The following VWA8 variants were observed in gnomAD, a reference collection of about 807,000 sequenced individuals.
VWA8 encodes the protein von Willebrand factor A domain-containing protein 8.
VWA8 carries 221 observed loss-of-function variants against 241.5 expected under a neutral mutation model. The observed-to-expected ratio is 0.91, with a 90% CI of 0.82 to 1.02. VWA8 has a LOEUF of 1.02. Among genes scored for constraint, VWA8 ranks in the 50% least tolerant of loss-of-function variants. The pLI, the probability that VWA8 is intolerant of heterozygous loss-of-function variation, is 0.00. For missense variants in VWA8, 2,322 were observed against 2,328.7 expected (o/e 1.00, Z 0.06); for synonymous variants, 852 against 827.1 (o/e 1.03, Z -0.52).
At position 41,587,540 on chromosome 13, in the gene VWA8, G is replaced by A; in HGVS notation, c.5243C>T (p.Ala1748Val). The stretch of plus-strand genomic sequence containing the variant: ...GAACTTCTCCTCATAGTTCTCGAAG[G>A]CTTCCATGACCATACACACAGCCTC... ...TMEAVCMVME[A>V]FENYEEKFQY... Residue 1748 changes from alanine (A) to valine (V), a missense_variant, in exon 42 of 45, where the codon GCC (alanine) becomes GTC (valine). Coordinates refer to ENST00000379310, the MANE Select transcript of VWA8 (RefSeq NM_015058.2). 6.2e-7 allele frequency: 1 copy of A among 1,614,082 alleles called. No homozygotes were observed. The highest frequency in any genetic ancestry group is 8.5e-7 in the Non-Finnish European group (1 of 1,180,012).
At chr13:41,685,002 T>C (rs1053170079) in intron 35 of VWA8, 45 bp downstream of exon 35, 37 of 1,560,234 alleles carry the variant, frequency 2.4e-5, no homozygotes, top group Non-Finnish European at 3.2e-5. Flanking sequence ...AGGAAGCTAC[T>C]TTAAACCACC....
intron 26 of VWA8, among the ~76,000 whole-genome samples, chr13:41,711,908 T>C (rs976762158): frequency 1.3e-5 from 2 of 151,754 alleles, no homozygotes; most frequent in Non-Finnish European, 2.9e-5. Flanking sequence ...AAAGAATTGT[T>C]CTATTCATTT....
intron 37 of VWA8, among the ~76,000 whole-genome samples, chr13:41,631,912 C>G (rs1169654883): frequency 6.6e-6 from 1 of 152,212 alleles, no homozygotes; most frequent in Non-Finnish European, 1.5e-5. Context: ...AGTATTAACA[C>G]TCACACAAGA....
rs775815414 is a variant in VWA8 at position 41,614,988 on chromosome 13, C to T, written c.4708G>A (p.Ala1570Thr). ...CTGTGCTACCAACCTGTTCCGCCAGCCCAAGTGTTGCCGCCCACGTGAGGC... is the reference window on the plus strand; with the variant it reads ...CTGTGCTACCAACCTGTTCCGCCAGTCCAAGTGTTGCCGCCCACGTGAGGC... ...NMPHVGGNTWAGGTGGRDTAG... is the reference protein window; with the variant it reads ...NMPHVGGNTWTGGTGGRDTAG... Residue 1570 changes from alanine (A) to threonine (T), a missense_variant, in exon 38 of 45, where the codon GCT becomes ACT. Physicochemically the swap from Ala to Thr is moderately conservative, Grantham distance 58. Coordinates refer to ENST00000379310, the MANE Select transcript of VWA8 (RefSeq NM_015058.2). 5.0e-6 allele frequency: 8 copies of T among 1,613,326 alleles called. No individual in the cohort carries two copies. The East Asian group carries it at 1.6e-4, about 31-fold the overall frequency.
At chr13:41,897,285 C>T (rs1036952924) in intron 4 of VWA8, among the ~76,000 whole-genome samples, 1 of 151,896 alleles carries the variant, frequency 6.6e-6, no homozygotes, top group Admixed American at 6.6e-5. Context: ...AGAAGACGTA[C>T]AGATGGCCAG....
At chr13:41,599,778 G>A (rs2044509948) in intron 40 of VWA8, among the ~76,000 whole-genome samples, 1 of 152,096 alleles carries the variant, frequency 6.6e-6, no homozygotes, top group South Asian at 2.1e-4. Flanking sequence ...TTGCAATGGG[G>A]CCAACTTTGG....
chr13:41,636,702 G>T (rs879527773), intron 37 of VWA8, among the ~76,000 whole-genome samples: 4,933 of 152,142 alleles, frequency 0.032, 90 homozygotes, highest in South Asian at 0.078. Context: ...AATCTACAAT[G>T]AACTCAAACA....
chr13:41,725,911 A>G (rs930042396), intron 24 of VWA8, among the ~76,000 whole-genome samples: 5 of 152,222 alleles, frequency 3.3e-5, no homozygotes, highest in Non-Finnish European at 5.9e-5. Context: ...AATAAAAACT[A>G]CAAAAATAGT....
intron 37 of VWA8, among the ~76,000 whole-genome samples, chr13:41,622,622 G>A (rs1400691141): frequency 2.6e-5 from 4 of 152,128 alleles, no homozygotes; most frequent in African/African-American, 4.8e-5. Flanking sequence ...TGCTATAATC[G>A]TAAGAATCAT....
chr13:41,646,374 GC>G (rs533898855), intron 37 of VWA8, among the ~76,000 whole-genome samples: 61 of 152,184 alleles, frequency 4.0e-4, no homozygotes, highest in Non-Finnish European at 7.3e-4. Context: ...ACGACCACGT[GC>G]CGGTGCCCTG....
chr13:41,843,892 C>A (rs1462551532), intron 12 of VWA8, among the ~76,000 whole-genome samples: 5 of 152,160 alleles, frequency 3.3e-5, no homozygotes, highest in Non-Finnish European at 7.3e-5. Context: ...GGATTCACAG[C>A]TGAATTCTAC....
At chr13:41,742,546 T>C (rs2045576675) in intron 21 of VWA8, among the ~76,000 whole-genome samples, 1 of 152,122 alleles carries the variant, frequency 6.6e-6, no homozygotes, top group Non-Finnish European at 1.5e-5. Context: ...CAAAAAACAA[T>C]GAGCTAAAGG....
rs747073235 is a variant in VWA8, at chr13:41,699,077, C to T, written c.3558G>A (p.Glu1186=). ...SPLKGQVVLH[E]QQSNVILLLD... is the part of the protein sequence containing the mutation. ...GTAGCCTGGTGTGCATTACCTGCTG[C>T]TCATGGAGAACCACTTGACCTTTGA... is the stretch of plus-strand genomic sequence containing the variant. Residue 1186 remains glutamate, a synonymous_variant, in exon 29 of 45, where the codon GAG becomes GAA. Transcript: ENST00000379310. 5 of 1,613,778 alleles carry T rather than the reference C, an allele frequency of 3.1e-6. No homozygotes were observed. The East Asian group carries it at 6.7e-5, about 22-fold the overall frequency.
intron 42 of VWA8, among the ~76,000 whole-genome samples, chr13:41,579,283 C>T (rs542904399): frequency 1.2e-4 from 18 of 152,246 alleles, no homozygotes; most frequent in South Asian, 6.2e-4. Context: ...CCACTAACTA[C>T]GGGCTACACA....
chr13:41,656,863 AT>A (rs201081665), intron 37 of VWA8, among the ~76,000 whole-genome samples: 1 of 152,266 alleles, frequency 6.6e-6, no homozygotes, highest in African/African-American at 2.4e-5. Flanking sequence ...AAAAATAAAA[AT>A]AAAAATCACA....
At chr13:41,810,073 G>A (rs1432089164) in intron 17 of VWA8, among the ~76,000 whole-genome samples, 1 of 151,998 alleles carries the variant, frequency 6.6e-6, no homozygotes, top group East Asian at 1.9e-4. Context: ...AATTAAAATG[G>A]CTTTTATCCA....
intron 18 of VWA8, among the ~76,000 whole-genome samples, chr13:41,786,724 A>G (rs952891128): frequency 7.2e-5 from 11 of 152,150 alleles, no homozygotes; most frequent in African/African-American, 2.7e-4. Context: ...TGCAGCCCTA[A>G]TGATTAAAAG....
intron 17 of VWA8, among the ~76,000 whole-genome samples, chr13:41,810,060 C>G (rs374333529): frequency 6.6e-6 from 1 of 151,910 alleles, no homozygotes; most frequent in East Asian, 1.9e-4. Context: ...ATCACCTCAC[C>G]CCAATTAAAA....
chr13:41,789,072 C>G (rs1405964334), intron 17 of VWA8, among the ~76,000 whole-genome samples: 1 of 152,100 alleles, frequency 6.6e-6, no homozygotes, highest in Non-Finnish European at 1.5e-5. Flanking sequence ...AGCACCCAGA[C>G]AGCAATATCA....
Sources: allele counts gnomAD v4.1 joint callset (sites outside exome capture counted in the v4.1 genomes callset), GRCh38; gene constraint gnomAD v4.1.1; transcripts MANE v1.5; gene names NCBI Gene and HGNC (gene_info 2026-07-23, HGNC 2026-07-21).